The following PIGT variants were observed in gnomAD, a reference collection of about 807,000 sequenced individuals.
The protein encoded by PIGT is GPI-anchor transamidase component PIGT.
Under a neutral mutation model 66.7 loss-of-function variants are expected in PIGT, and 57 were observed. The observed-to-expected ratio is 0.86, with a 90% CI of 0.69 to 1.07. The LOEUF is 1.07. Ranked by LOEUF, PIGT falls within the 50% of genes least tolerant of loss-of-function variation. The probability of loss-of-function intolerance (pLI) is 0.00; values close to 1 mark genes in which losing one functional copy is unlikely to be tolerated. For synonymous variants in PIGT, 362 were observed against 320.5 expected (o/e 1.13, Z -1.38); for missense variants, 725 against 740.4 (o/e 0.98, Z 0.24).
At chr20:45,420,048 G>C in intron 5 of PIGT, 88 bp from the exon 6 acceptor site, 1 of 896,330 alleles carries the variant, frequency 1.1e-6, no homozygotes, top group Non-Finnish European at 1.8e-6. Context: ...ATACATAGAT[G>C]AGGGATTGAG....
Position 45,421,538 on chromosome 20 carries a change from G to T in PIGT, c.1189G>T (p.Val397Leu), listed in dbSNP as rs1472735058. The part of the protein sequence containing the change: ...DTVPWYLRLY[V>L]HTLTITSKGK... ...CGTACCCTGGTATCTGCGGCTGTAT[G>T]TGCACACCCTCACCATCACCTCCAA... The change falls in exon 9 of 12, where the codon GTG (valine) becomes TTG (leucine). Residue 397 changes from valine (V) to leucine (L), a missense_variant. Around this residue, in one of 3 missense-constraint regions of PIGT, gnomAD observed 559 missense variants for 552.7 expected, o/e 1.01. Coordinates refer to ENST00000279036, the MANE Select transcript of PIGT (RefSeq NM_015937.6). The T allele has an allele frequency of 6.2e-7, 1 of 1,613,988 alleles. No individual in the cohort carries two copies. Among genetic ancestry groups the T allele is most frequent in the Non-Finnish European group, 8.5e-7 (1 of 1,180,014 alleles).
At chr20:45,416,898 C>A in intron 2 of PIGT, 1 of 486,952 alleles carries the variant, frequency 2.1e-6, no homozygotes, top group Non-Finnish European at 3.6e-6. Flanking sequence ...GTAGCACATG[C>A]ATATCCCTGG....
chr20:45,424,331 G>A lies in PIGT; in HGVS notation c.1350G>A (p.Leu450=), dbSNP rs1600823044. The change falls in exon 10 of 12, where the codon CTG becomes CTA. Residue 450 remains leucine, a synonymous_variant. Transcript: ENST00000279036. ...TKVSIQFERA[L]LKWTEYTPDP... ...TTTCCATCCAGTTTGAGCGGGCGCT[G>A]CTGAAGTGGACCGAGTACACGCCAG... 1 of 1,614,214 alleles carries A rather than the reference G, an allele frequency of 6.2e-7. No individual in the cohort carries two copies.
Position 45,416,171 on chromosome 20 carries a change from G to A in PIGT, c.15G>A (p.Met5Ile). The change falls in exon 1 of 12, where the codon ATG (methionine) becomes ATA (isoleucine). Residue 5 changes from methionine (M) to isoleucine (I), a missense_variant. By Grantham distance (10) the Met-to-Ile change is conservative (BLOSUM62 1). Transcript: ENST00000279036. MAAAMPLALLVLLLL... is the reference protein window; with the variant it reads MAAAIPLALLVLLLL... ...TAGCCGCAGGCATGGCGGCGGCTAT[G>A]CCGCTTGCTCTGCTCGTCCTGTTGC... 1 of 1,571,894 alleles carries A rather than the reference G, an allele frequency of 6.4e-7. No individual in the cohort carries two copies. Among genetic ancestry groups the A allele is most frequent in the East Asian group, 2.4e-5 (1 of 42,090 alleles).
In PIGT at chr20:45,421,469, AACACCCACCCAT is replaced by A. The variant is rs753453900; in HGVS notation, c.1123_1134del (p.Thr375_Tyr378del). ...GGGGGAGCTGAGCACACTGCTGTAC[AACACCCACCCAT>A]ACCGGGCCTTCCCGGTGCTGCTGCT... On this transcript the variant is annotated inframe_deletion, in exon 9 of 12. Transcript: ENST00000279036. 6.2e-7 allele frequency: 1 copy of A among 1,614,142 alleles called. No individual in the cohort carries two copies. Among genetic ancestry groups the A allele is most frequent in the South Asian group, 1.1e-5 (1 of 91,074 alleles).
chr20:45,421,678 T>G, intron 9 of PIGT, 95 bp downstream of exon 9: 3 of 1,002,668 alleles, frequency 3.0e-6, no homozygotes, highest in Non-Finnish European at 4.6e-6. Flanking sequence ...GTTCCTGAAG[T>G]ACCTCTGAAA....
intron 2 of PIGT, 38 bp from the exon 3 acceptor site, chr20:45,418,814 A>G: frequency 6.2e-7 from 1 of 1,611,976 alleles, no homozygotes; most frequent in Non-Finnish European, 8.5e-7. Flanking sequence ...GAGCAGAGGT[A>G]GCCCCAGGAC....
intron 2 of PIGT, 91 bp downstream of exon 2, chr20:45,416,785 C>G: frequency 8.3e-7 from 1 of 1,198,610 alleles, no homozygotes; most frequent in Non-Finnish European, 1.1e-6. Context: ...GGGGACAGCA[C>G]TTCCAGTAGG....
chr20:45,424,391 A>AC lies in PIGT; in HGVS notation c.1400+15dup, dbSNP rs755363073. The AC allele has an allele frequency of 1.2e-6, 2 of 1,613,624 alleles. No individual in the cohort carries two copies. The highest frequency in any genetic ancestry group is 1.3e-5 in the African/African-American group (1 of 74,850). On this transcript the variant is annotated intron_variant, in intron 10 of 11. Coordinates refer to ENST00000279036, the MANE Select transcript of PIGT (RefSeq NM_015937.6). ...ATGGCTTCTATGTCAGGTGGGCTCC[A>AC]CCCCCACAGGCCACCTCTCATCCCC...
In PIGT at chr20:45,419,590, A is replaced by G. The variant is rs747421123; in HGVS notation, c.681A>G (p.Arg227=). Residue 227 remains arginine, a splice_region_variant and synonymous_variant, in exon 5 of 12, where the codon AGA becomes AGG. Coordinates refer to ENST00000279036, the MANE Select transcript of PIGT (RefSeq NM_015937.6). ...CAGTGCATATCCGCCCTGTTTGCAG[A>G]GTAAGTCATGGGGAGTAGAGGAAGC... ...SQAVHIRPVC[R]NARCTSISWE... 1.9e-6 allele frequency: 3 copies of G among 1,608,130 alleles called. No individual in the cohort carries two copies. Among genetic ancestry groups the G allele is most frequent in the Non-Finnish European group, 2.6e-6 (3 of 1,174,518 alleles).
At chr20:45,424,729 G>T in intron 11 of PIGT, 150 bp downstream of exon 11, 2 of 622,708 alleles carry the variant, frequency 3.2e-6, no homozygotes, top group Non-Finnish European at 5.7e-6. Flanking sequence ...AAAAATCCTG[G>T]CAGTCTGTGG....
intron 2 of PIGT, 175 bp from the exon 3 acceptor site, chr20:45,418,677 G>T: frequency 1.5e-6 from 1 of 681,546 alleles, no homozygotes; most frequent in East Asian, 2.9e-5. Context: ...TGAGTAGGAT[G>T]AGACCCAGCA....
intron 8 of PIGT, chr20:45,421,043 TAA>T (rs1302737397): frequency 9.9e-6 from 5 of 505,392 alleles, no homozygotes; most frequent in Non-Finnish European, 1.8e-5. Flanking sequence ...TCAAGAAATA[TAA>T]GTCTACTAGC....
At position 45,424,521 on chromosome 20, in the gene PIGT, C is replaced by G. The variant is rs777655684; in HGVS notation, c.1426C>G (p.Pro476Ala). Residue 476 changes from proline to alanine, a missense_variant, in exon 11 of 12, where the codon CCC (proline) becomes GCC (alanine). Around this residue, in one of 3 missense-constraint regions of PIGT, gnomAD observed 162 missense variants for 171.1 expected, o/e 0.95. Coordinates refer to ENST00000279036, the MANE Select transcript of PIGT (RefSeq NM_015937.6). Reference protein sequence around the residue: ...VSPSVLSALVPSMVAAKPVDW... With the variant: ...VSPSVLSALVASMVAAKPVDW... ...CCCATCTGTCCTCAGCGCCCTTGTGCCCAGCATGGTAGCAGCCAAGCCAGT... is the reference window on the plus strand; with the variant it reads ...CCCATCTGTCCTCAGCGCCCTTGTGGCCAGCATGGTAGCAGCCAAGCCAGT... The G allele has an allele frequency of 6.2e-7, 1 of 1,614,176 alleles. No individual in the cohort carries two copies. Among genetic ancestry groups the G allele is most frequent in the East Asian group, 2.2e-5 (1 of 44,884 alleles).
At position 45,424,370 on chromosome 20, in the gene PIGT, C is replaced by T; in HGVS notation, c.1389C>T (p.Gly463=). ...WTEYTPDPNH[G]FYVSPSVLSA... ...AGTACACGCCAGATCCTAACCATGG[C>T]TTCTATGTCAGGTGGGCTCCACCCC... The change falls in exon 10 of 12, where the codon GGC becomes GGT. Residue 463 remains glycine (G), a synonymous_variant. Transcript: ENST00000279036. The T allele has an allele frequency of 6.2e-7, 1 of 1,614,172 alleles. No homozygotes were observed. The highest frequency in any genetic ancestry group is 8.5e-7 in the Non-Finnish European group (1 of 1,179,994).
chr20:45,420,668 C>G lies in PIGT; in HGVS notation c.1008C>G (p.Leu336=). The G allele has an allele frequency of 1.9e-6, 3 of 1,613,962 alleles. No homozygotes were observed. The highest frequency in any genetic ancestry group is 2.5e-6 in the Non-Finnish European group (3 of 1,180,002). Residue 336 remains leucine, a synonymous_variant, in exon 8 of 12, where the codon CTC becomes CTG. Coordinates refer to ENST00000279036, the MANE Select transcript of PIGT (RefSeq NM_015937.6). ...INNSRNLNIQ[L]KWKRPPENEA... Reference sequence around the variant, plus strand: ...ACTCTCGAAACCTCAACATCCAGCTCAAGTGGAAGAGACCCCCAGAGAATG... The same window carrying G: ...ACTCTCGAAACCTCAACATCCAGCTGAAGTGGAAGAGACCCCCAGAGAATG...
At chr20:45,422,731 A>G (rs1185629967) in intron 9 of PIGT, 1 of 152,212 alleles carries the variant, frequency 6.6e-6, no homozygotes, top group African/African-American at 2.4e-5. Flanking sequence ...GCCTGCTGGC[A>G]TATCTTAAAG....
chr20:45,418,564 A>G, intron 2 of PIGT: 1 of 385,702 alleles, frequency 2.6e-6, no homozygotes, highest in East Asian at 6.4e-5. Flanking sequence ...TCATGAAGGT[A>G]GGCAGAAAGA....
At chr20:45,425,481 C>T (rs995540432) in intron 11 of PIGT, 93 bp from the exon 12 acceptor site, 3 of 1,377,952 alleles carry the variant, frequency 2.2e-6, no homozygotes, top group Non-Finnish European at 3.0e-6. Flanking sequence ...ATTGGAAACA[C>T]TGTGTTGCAT....
Sources: allele counts gnomAD v4.1 joint callset, GRCh38; gene constraint gnomAD v4.1.1; regional missense constraint gnomAD v4.1.1; transcripts MANE v1.5; gene names NCBI Gene and HGNC (gene_info 2026-07-23, HGNC 2026-07-21).